SETBP1: variants seen among roughly 807,000 people sequenced by gnomAD.
The protein encoded by SETBP1 is SET binding protein 1.
In SETBP1, 9 loss-of-function variants were observed where a neutral mutation model predicts 101.0. The observed-to-expected ratio is 0.09, with a 90% CI of 0.05 to 0.16. The LOEUF (loss-of-function observed/expected upper bound fraction) is 0.16, where lower values mean the gene tolerates loss of function less well. SETBP1 is among the 10% of genes least tolerant of loss of function. The probability of loss-of-function intolerance (pLI) is 1.00; values close to 1 mark genes in which losing one functional copy is unlikely to be tolerated. For synonymous variants in SETBP1, 818 were observed against 788.5 expected (o/e 1.04, Z -0.63); for missense variants, 1,858 against 2,033.8 (o/e 0.91, Z 1.66).
intron 5 of SETBP1, among the ~76,000 whole-genome samples, chr18:45,047,078 T>C (rs561039212): frequency 2.3e-4 from 35 of 152,302 alleles, no homozygotes; most frequent in Admixed American, 5.9e-4. Context: ...AACCACCTCA[T>C]GCCACAGTCA....
chr18:44,974,319 G>A (rs1048574778), intron 4 of SETBP1, among the ~76,000 whole-genome samples: 6 of 152,128 alleles, frequency 3.9e-5, no homozygotes, highest in Admixed American at 2.6e-4. Flanking sequence ...GACCACCTGG[G>A]AAGCAACTAC....
At chr18:44,711,065 T>C in intron 2 of SETBP1, among the ~76,000 whole-genome samples, 1 of 152,194 alleles carries the variant, frequency 6.6e-6, no homozygotes, top group Non-Finnish European at 1.5e-5. Context: ...ATATATTAAC[T>C]GGTGGATCAG....
intron 2 of SETBP1, among the ~76,000 whole-genome samples, chr18:44,719,095 A>G (rs2069528401): frequency 1.3e-5 from 2 of 152,216 alleles, no homozygotes; most frequent in African/African-American, 2.4e-5. Flanking sequence ...AAGTCCCAGC[A>G]TAGGAAGAGG....
intron 2 of SETBP1, among the ~76,000 whole-genome samples, chr18:44,712,127 T>C (rs1459365843): frequency 6.6e-6 from 1 of 152,206 alleles, no homozygotes; most frequent in South Asian, 2.1e-4. Context: ...ATCATTAGTA[T>C]CAAATGCAGG....
intron 2 of SETBP1, among the ~76,000 whole-genome samples, chr18:44,863,201 C>A (rs1436247182): frequency 6.6e-6 from 1 of 152,204 alleles, no homozygotes; most frequent in Non-Finnish European, 1.5e-5. Context: ...TCCTTAGACC[C>A]CTTTCCTTTT....
At chr18:45,063,053 AT>A (rs1185284564) in intron 5 of SETBP1, 25 bp from the exon 6 acceptor site, 1 of 1,613,176 alleles carries the variant, frequency 6.2e-7, no homozygotes, top group Non-Finnish European at 8.5e-7. Context: ...CCTGTGCTCA[AT>A]TTCTTATCTC....
intron 3 of SETBP1, among the ~76,000 whole-genome samples, chr18:44,891,100 A>G (rs1195951420): frequency 6.6e-6 from 1 of 152,154 alleles, no homozygotes; most frequent in Non-Finnish European, 1.5e-5. Flanking sequence ...TCTTACATGG[A>G]TAGCAGCAGA....
chr18:44,858,319 A>AT (rs1183748865), intron 2 of SETBP1, among the ~76,000 whole-genome samples: 1 of 152,250 alleles, frequency 6.6e-6, no homozygotes, highest in Non-Finnish European at 1.5e-5. Context: ...GAATCCTGGC[A>AT]TTTGCAATGC....
intron 2 of SETBP1, among the ~76,000 whole-genome samples, chr18:44,721,990 A>T (rs2069608101): frequency 6.6e-6 from 1 of 152,108 alleles, no homozygotes; most frequent in Non-Finnish European, 1.5e-5. Flanking sequence ...TTGTTTGCCA[A>T]CTAGAGGGTA....
At chr18:44,795,916 C>A (rs1468325514) in intron 2 of SETBP1, among the ~76,000 whole-genome samples, 1 of 152,162 alleles carries the variant, frequency 6.6e-6, no homozygotes, top group East Asian at 1.9e-4. Context: ...TACATTGGTT[C>A]CTGTGCTGTC....
chr18:44,804,992 T>C (rs994689484), intron 2 of SETBP1, among the ~76,000 whole-genome samples: 1 of 152,128 alleles, frequency 6.6e-6, no homozygotes, highest in Non-Finnish European at 1.5e-5. Context: ...AATTCCTCTG[T>C]AAGCCTTAGA....
At chr18:44,946,465 A>T (rs1056268662) in intron 3 of SETBP1, among the ~76,000 whole-genome samples, 3 of 152,222 alleles carry the variant, frequency 2.0e-5, no homozygotes, top group African/African-American at 7.2e-5. Flanking sequence ...AAGTGAAACA[A>T]TTAGGAGATG....
At chr18:44,875,743 T>C (rs548467972) in intron 3 of SETBP1, among the ~76,000 whole-genome samples, 1 of 152,296 alleles carries the variant, frequency 6.6e-6, no homozygotes, top group Admixed American at 6.5e-5. Flanking sequence ...CACAACATTT[T>C]GTAAAATTAA....
chr18:44,824,847 G>A (rs1351294109), intron 2 of SETBP1, among the ~76,000 whole-genome samples: 3 of 152,274 alleles, frequency 2.0e-5, no homozygotes, highest in East Asian at 1.9e-4. Flanking sequence ...AAAGGGAGTG[G>A]GTCATCGTAG....
At chr18:44,831,857 A>G (rs1369305167) in intron 2 of SETBP1, among the ~76,000 whole-genome samples, 2 of 152,140 alleles carry the variant, frequency 1.3e-5, no homozygotes, top group African/African-American at 4.8e-5. Flanking sequence ...CTGCCCTCCC[A>G]TTCACTTGCT....
intron 2 of SETBP1, among the ~76,000 whole-genome samples, chr18:44,766,751 T>C (rs1303478749): frequency 2.0e-5 from 3 of 152,078 alleles, no homozygotes; most frequent in Non-Finnish European, 4.4e-5. Flanking sequence ...GGCAGGAGGA[T>C]TAGTTGAGCT....
At chr18:44,778,225 C>T (rs1368330143) in intron 2 of SETBP1, among the ~76,000 whole-genome samples, 1 of 152,192 alleles carries the variant, frequency 6.6e-6, no homozygotes, top group Non-Finnish European at 1.5e-5. Context: ...GAGTCAAAAA[C>T]GTAAGATCCT....
At chr18:44,989,675 C>G (rs1159789241) in intron 4 of SETBP1, among the ~76,000 whole-genome samples, 2 of 150,992 alleles carry the variant, frequency 1.3e-5, no homozygotes, top group East Asian at 3.9e-4. Context: ...CGAGACCATC[C>G]CGGCTAAAAC....
rs16978207 is a variant in SETBP1 at position 44,863,247 on chromosome 18, C to T, written c.487-5983C>T. Among the ~76,000 whole-genome samples, 793 of 152,290 alleles carry T rather than the reference C, an allele frequency of 5.2e-3. 8 individuals are homozygous for T. The highest frequency in any genetic ancestry group is 0.018 in the African/African-American group (736 of 41,568). ...ACCCCTGACATATCTTACAATTCTT[C>T]CTGCCTGTTTCAGAGTCCCCAGTAC... On this transcript the variant is annotated intron_variant, in intron 2 of 5. Coordinates refer to ENST00000649279, the MANE Select transcript of SETBP1 (RefSeq NM_015559.3).
Sources: gnomAD v4.1 joint callset for allele counts (sites outside exome capture counted in the v4.1 genomes callset) on GRCh38, gnomAD v4.1.1 for gene constraint, MANE v1.5 for transcripts, NCBI Gene and HGNC (gene_info 2026-07-23, HGNC 2026-07-21) for gene names.